OR2V2: variants seen among roughly 807,000 people sequenced by gnomAD.
OR2V2 encodes olfactory receptor family 2 subfamily V member 2.
For synonymous variants in OR2V2, 161 were observed against 151.3 expected (o/e 1.06, Z -0.47); for missense variants, 392 against 392.2 (o/e 1.00, Z 0.00).
chr5:181,154,380 G>A (rs1048929308), intron 1 of OR2V2, among the ~76,000 whole-genome samples: 6 of 152,098 alleles, frequency 3.9e-5, no homozygotes, highest in Admixed American at 1.3e-4. Context: ...ACAAGGTCAG[G>A]AGATCGAGAG....
rs375774612 is a variant in OR2V2, at chr5:181,155,556, T to C, written c.614T>C (p.Val205Ala). Reference sequence around the variant, plus strand: ...GAGAAGGTGATATTTGCTTGCTGTGTCTTCATGCTTCTCTTCCCATTCTCC... The same window carrying C: ...GAGAAGGTGATATTTGCTTGCTGTGCCTTCATGCTTCTCTTCCCATTCTCC... ...LFEKVIFACC[V>A]FMLLFPFSII... Residue 205 changes from valine to alanine, a missense_variant, in exon 2 of 2, where the codon GTC (valine) becomes GCC (alanine). Transcript: ENST00000641492. The C allele has an allele frequency of 1.2e-6, 2 of 1,614,110 alleles. No homozygotes were observed. Among genetic ancestry groups the C allele is most frequent in the Non-Finnish European group, 1.7e-6 (2 of 1,180,054 alleles).
At position 181,147,849 on chromosome 5, in the gene OR2V2, C is replaced by G; in HGVS notation, c.-171C>G. 7.6e-6 allele frequency: 3 copies of G among 396,226 alleles called. No homozygotes were observed. In the East Asian group the frequency reaches 1.1e-4, roughly 14 times the overall value. 24.5% of individuals were successfully genotyped at this position (396,226 alleles called of 1,614,324 possible). On this transcript the variant is annotated 5_prime_UTR_variant, in exon 1 of 2. Coordinates refer to ENST00000641492, the MANE Select transcript of OR2V2 (RefSeq NM_206880.2). ...CAGCCCGATGAGTAGTCGGTGCGGG[C>G]TGAGGAAGGAGGTTGGGGCTGCGGC... is the stretch of plus-strand genomic sequence containing the variant.
chr5:181,156,079 T>G lies in OR2V2; in HGVS notation c.*189T>G, dbSNP rs6876056. 0.083 allele frequency: 45,283 copies of G among 544,386 alleles called. 3,540 individuals carry two copies. Among genetic ancestry groups the G allele is most frequent in the African/African-American group, 0.29 (15,144 of 51,992 alleles). 33.7% of individuals were successfully genotyped at this position (544,386 alleles called of 1,614,324 possible). ...CTTTCTTTCTTTCTTTCTTTTGTTC[T>G]TTCTTTCGTTCTTTCTTTCTCTTCC... On this transcript the variant is annotated 3_prime_UTR_variant, in exon 2 of 2. Transcript: ENST00000641492.
At position 181,155,110 on chromosome 5, in the gene OR2V2, T is replaced by C. The variant is rs1444931670; in HGVS notation, c.168T>C (p.Leu56=). Residue 56 remains leucine, a synonymous_variant, in exon 2 of 2, where the codon CTT becomes CTC. Coordinates refer to ENST00000641492, the MANE Select transcript of OR2V2 (RefSeq NM_206880.2). Reference sequence around the variant, plus strand: ...TCCTCATCTACATGGACCCTCACCTTCACACCCCCATGTACTTCTTCCTCA... The same window carrying C: ...TCCTCATCTACATGGACCCTCACCTCCACACCCCCATGTACTTCTTCCTCA... The part of the protein sequence containing the change: ...LIFLIYMDPH[L]HTPMYFFLSQ... The C allele has an allele frequency of 1.2e-6, 2 of 1,614,138 alleles. No homozygotes were observed. The highest frequency in any genetic ancestry group is 1.7e-6 in the Non-Finnish European group (2 of 1,180,026).
Position 181,155,587 on chromosome 5 carries a change from C to G in OR2V2, c.645C>G (p.Ile215Met). ...VFMLLFPFSI[I>M]VASYAHILGT... Reference sequence around the variant, plus strand: ...TGCTTCTCTTCCCATTCTCCATCATCGTGGCCTCCTATGCTCACATTCTAG... The same window carrying G: ...TGCTTCTCTTCCCATTCTCCATCATGGTGGCCTCCTATGCTCACATTCTAG... The change falls in exon 2 of 2, where the codon ATC (isoleucine) becomes ATG (methionine). Residue 215 changes from isoleucine (I) to methionine (M), a missense_variant. Coordinates refer to ENST00000641492, the MANE Select transcript of OR2V2 (RefSeq NM_206880.2). The G allele has an allele frequency of 6.2e-7, 1 of 1,614,204 alleles. No individual in the cohort carries two copies. Among genetic ancestry groups the G allele is most frequent in the Non-Finnish European group, 8.5e-7 (1 of 1,180,048 alleles).
At position 181,155,800 on chromosome 5, in the gene OR2V2, C is replaced by T. The variant is rs146118085; in HGVS notation, c.858C>T (p.Leu286=). The change falls in exon 2 of 2, where the codon CTC becomes CTT. Residue 286 remains leucine (L), a synonymous_variant. Coordinates refer to ENST00000641492, the MANE Select transcript of OR2V2 (RefSeq NM_206880.2). ...SIFYTVLTPM[L]NPLIYSLRNR... ...TCTACACGGTCCTTACTCCCATGCT[C>T]AACCCCCTCATTTACAGCTTGAGGA... 9.9e-6 allele frequency: 16 copies of T among 1,614,202 alleles called. No individual in the cohort carries two copies. Among genetic ancestry groups the T allele is most frequent in the African/African-American group, 2.7e-5 (2 of 75,058 alleles).
chr5:181,151,050 G>C (rs546747416), intron 1 of OR2V2, among the ~76,000 whole-genome samples: 2 of 152,294 alleles, frequency 1.3e-5, no homozygotes, highest in African/African-American at 4.8e-5. Context: ...AAAGCAAGCA[G>C]GGAAGGAGGG....
Position 181,155,150 on chromosome 5 carries a change from A to G in OR2V2, c.208A>G (p.Met70Val), listed in dbSNP as rs1039850897. ...MYFFLSQLSL[M>V]DLMLVCTNVP... ...CTTCTTCCTCAGCCAGCTCTCCCTCATGGACCTCATGTTGGTCTGTACCAA... is the reference window on the plus strand; with the variant it reads ...CTTCTTCCTCAGCCAGCTCTCCCTCGTGGACCTCATGTTGGTCTGTACCAA... The change falls in exon 2 of 2, where the codon ATG becomes GTG. Residue 70 changes from methionine (M) to valine (V), a missense_variant. Physicochemically the swap from Met to Val is conservative, Grantham distance 21 (BLOSUM62 1). Transcript: ENST00000641492. 15 of 1,613,988 alleles carry G rather than the reference A, an allele frequency of 9.3e-6. No homozygotes were observed. The highest frequency in any genetic ancestry group is 1.3e-5 in the Non-Finnish European group (15 of 1,180,000).
chr5:181,155,153 G>A lies in OR2V2; in HGVS notation c.211G>A (p.Asp71Asn), dbSNP rs1193164365. The change falls in exon 2 of 2, where the codon GAC becomes AAC. Residue 71 changes from aspartate to asparagine, a missense_variant. Physicochemically the swap from Asp to Asn is conservative, Grantham distance 23 (BLOSUM62 1). Coordinates refer to ENST00000641492, the MANE Select transcript of OR2V2 (RefSeq NM_206880.2). ...YFFLSQLSLM[D>N]LMLVCTNVPK... ...CTTCCTCAGCCAGCTCTCCCTCATGGACCTCATGTTGGTCTGTACCAATGT... is the reference window on the plus strand; with the variant it reads ...CTTCCTCAGCCAGCTCTCCCTCATGAACCTCATGTTGGTCTGTACCAATGT... 19 of 1,613,996 alleles carry A rather than the reference G, an allele frequency of 1.2e-5. No individual in the cohort carries two copies. Among genetic ancestry groups the A allele is most frequent in the Non-Finnish European group, 1.6e-5 (19 of 1,180,040 alleles).
Position 181,156,367 on chromosome 5 carries a change from C to CA in OR2V2, c.*478dup, listed in dbSNP as rs1468214959. On this transcript the variant is annotated 3_prime_UTR_variant, in exon 2 of 2. Coordinates refer to ENST00000641492, the MANE Select transcript of OR2V2 (RefSeq NM_206880.2). ...TCCTGGACTCAAGCAATCCACCTTC[C>CA]AGAGTGCTGAGATTACAGGCGTGAG... 6.4e-6 allele frequency: 1 copy of CA among 156,008 alleles called. No individual in the cohort carries two copies. The highest frequency in any genetic ancestry group is 2.4e-5 in the African/African-American group (1 of 41,482). 9.7% of individuals were successfully genotyped at this position (156,008 alleles called of 1,614,324 possible).
chr5:181,147,827 C>T lies in OR2V2; in HGVS notation c.-193C>T, dbSNP rs1050302777. The T allele has an allele frequency of 5.1e-6, 2 of 393,896 alleles. No individual in the cohort carries two copies. The highest frequency in any genetic ancestry group is 2.1e-5 in the African/African-American group (1 of 48,418). The allele number at this position is 393,896 out of a possible 1,614,324, so 24.4% of individuals were successfully genotyped here. The stretch of plus-strand genomic sequence containing the variant: ...GCTGAGGGTGCCGTGGGCTCCACAG[C>T]CCGATGAGTAGTCGGTGCGGGCTGA... On this transcript the variant is annotated 5_prime_UTR_variant, in exon 1 of 2. Coordinates refer to ENST00000641492, the MANE Select transcript of OR2V2 (RefSeq NM_206880.2).
chr5:181,158,925 G>A lies in OR2V2; in HGVS notation c.*3035G>A, dbSNP rs566116811. ...TTGCAATCAGTTAGGTCAATGTTTT[G>A]TGTGTGTGTGTGAATATAAAAAATT... On this transcript the variant is annotated 3_prime_UTR_variant, in exon 2 of 2. Transcript: ENST00000641492. 2 of 117,812 alleles carry A rather than the reference G, an allele frequency of 1.7e-5. No homozygotes were observed. Among genetic ancestry groups the A allele is most frequent in the Non-Finnish European group, 1.7e-5 (1 of 60,592 alleles). The allele number at this position is 117,812 out of a possible 1,614,324, so 7.3% of individuals were successfully genotyped here. A position where few individuals can be genotyped will look rare whatever the true frequency, so the allele number is the denominator to read the frequency against.
intron 1 of OR2V2, among the ~76,000 whole-genome samples, chr5:181,150,190 G>T (rs534313677): frequency 3.4e-4 from 52 of 152,346 alleles, no homozygotes; most frequent in African/African-American, 1.2e-3. Context: ...CACAAGTCAG[G>T]ACGTGCTCCG....
intron 1 of OR2V2, among the ~76,000 whole-genome samples, chr5:181,151,753 G>A (rs550267692): frequency 2.6e-4 from 40 of 152,246 alleles, no homozygotes; most frequent in Non-Finnish European, 4.9e-4. Flanking sequence ...TCCCATGACG[G>A]CTTTGGCATT....
rs1302796433 is a variant in OR2V2 at position 181,156,070 on chromosome 5, CTTTT to C, written c.*181_*184del. ...TCTTTCTTTCTTTCTTTCTTTCTTT[CTTTT>C]GTTCTTTCTTTCGTTCTTTCTTTCT... On this transcript the variant is annotated 3_prime_UTR_variant, in exon 2 of 2. Transcript: ENST00000641492. 9.8e-5 allele frequency: 46 copies of C among 467,792 alleles called. 2 individuals carry two copies. The Admixed American group carries it at 1.1e-3, about 12-fold the overall frequency. The allele number at this position is 467,792 out of a possible 1,614,324, so 29.0% of individuals were successfully genotyped here.
chr5:181,150,839 C>T (rs573334961), intron 1 of OR2V2, among the ~76,000 whole-genome samples: 3 of 152,182 alleles, frequency 2.0e-5, no homozygotes, highest in South Asian at 4.1e-4. Flanking sequence ...TAGCCGAGCA[C>T]GATGGTGCGC....
chr5:181,154,001 C>T (rs1270684987), intron 1 of OR2V2, among the ~76,000 whole-genome samples: 2 of 152,202 alleles, frequency 1.3e-5, no homozygotes, highest in African/African-American at 2.4e-5. Flanking sequence ...ATTGCTTCAC[C>T]TCATTGGCCC....
chr5:181,149,449 A>C (rs1002181667), intron 1 of OR2V2, among the ~76,000 whole-genome samples: 2 of 152,196 alleles, frequency 1.3e-5, no homozygotes, highest in South Asian at 4.1e-4. Flanking sequence ...TTCAGGCAGA[A>C]CAGCCCCACT....
intron 1 of OR2V2, among the ~76,000 whole-genome samples, 172 bp downstream of exon 1, chr5:181,148,167 G>A (rs1763148583): frequency 6.6e-6 from 1 of 152,206 alleles, no homozygotes; most frequent in Non-Finnish European, 1.5e-5. Flanking sequence ...GCCTTCTGGT[G>A]TGATGTCTCT....
Sources: allele counts gnomAD v4.1 joint callset (sites outside exome capture counted in the v4.1 genomes callset), GRCh38; gene constraint gnomAD v4.1.1; transcripts MANE v1.5; gene names NCBI Gene and HGNC (gene_info 2026-07-23, HGNC 2026-07-21).